Variants in PARD3B observed in about 807,000 individuals in gnomAD.
PARD3B encodes partitioning defective 3 homolog B.
PARD3B carries 103 observed loss-of-function variants against 130.2 expected under a neutral mutation model. That is an observed-to-expected ratio of 0.79 (90% CI 0.67 to 0.93). The LOEUF (loss-of-function observed/expected upper bound fraction) is 0.93. Among genes scored for constraint, PARD3B ranks in the 40% least tolerant of loss-of-function variants. PARD3B has a pLI of 0.00. For missense variants in PARD3B, 1,609 were observed against 1,499.2 expected, an observed-to-expected ratio of 1.07 and a Z score of -1.21; for synonymous variants, 583 against 553.2, an observed-to-expected ratio of 1.05 and a Z score of -0.76.
chr2:205,003,259 T>C lies in PARD3B; in HGVS notation c.394+37936T>C, dbSNP rs559985176. ...CCATTTAGATAATCCAGGACAGTCT[T>C]CCTCTGCTAAGGTCAGCTGCTAAGC... On this transcript the variant is annotated intron_variant, in intron 3 of 22. Coordinates refer to ENST00000406610, the MANE Select transcript of PARD3B (RefSeq NM_001302769.2). Among the ~76,000 whole-genome samples the C allele has an allele frequency of 7.2e-5, 11 of 152,306 alleles. No individual in the cohort carries two copies. The South Asian group carries it at 1.9e-3, about 26-fold the overall frequency.
intron 1 of PARD3B, among the ~76,000 whole-genome samples, chr2:204,580,052 C>T (rs1043978576): frequency 6.6e-6 from 1 of 152,132 alleles, no homozygotes; most frequent in African/African-American, 2.4e-5. Flanking sequence ...CTTCCTTGTT[C>T]GTTCATTCAT....
At chr2:204,880,301 A>G (rs2045990437) in intron 2 of PARD3B, among the ~76,000 whole-genome samples, 1 of 152,212 alleles carries the variant, frequency 6.6e-6, no homozygotes, top group Middle Eastern at 3.2e-3. Flanking sequence ...ACCTACTATT[A>G]TGTGTTATAT....
rs1000711084 is a variant in PARD3B at position 204,941,353 on chromosome 2, G to A, written c.223-23799G>A. ...CCCACCACTGCACTCCAGCCTGGGC[G>A]ACAGAGCGAGACTCTGTCTAAAGAA... On this transcript the variant is annotated intron_variant, in intron 2 of 22. Transcript: ENST00000406610. Among the ~76,000 whole-genome samples the A allele has an allele frequency of 5.4e-4, 82 of 152,256 alleles. 1 individual carries two copies. The highest frequency in any genetic ancestry group is 1.8e-3 in the African/African-American group (73 of 41,560).
At chr2:205,165,128 A>G (rs2034731379) in intron 11 of PARD3B, among the ~76,000 whole-genome samples, 1 of 152,168 alleles carries the variant, frequency 6.6e-6, no homozygotes, top group African/African-American at 2.4e-5. Flanking sequence ...TTCATATATA[A>G]CATATATGCT....
intron 16 of PARD3B, among the ~76,000 whole-genome samples, chr2:205,255,379 A>G (rs1471575559): frequency 1.3e-5 from 2 of 152,122 alleles, no homozygotes; most frequent in African/African-American, 2.4e-5. Flanking sequence ...GAATGCTTCA[A>G]TTCTGGTCAC....
chr2:204,996,473 G>A (rs1475531955), intron 3 of PARD3B, among the ~76,000 whole-genome samples: 5 of 152,166 alleles, frequency 3.3e-5, no homozygotes, highest in Admixed American at 3.3e-4. Flanking sequence ...GAGAACCACT[G>A]CTCTCTTCAA....
intron 21 of PARD3B, among the ~76,000 whole-genome samples, chr2:205,535,027 G>A (rs1242861119): frequency 6.6e-6 from 1 of 152,142 alleles, no homozygotes; most frequent in African/African-American, 2.4e-5. Flanking sequence ...ACAGAGGGGT[G>A]TATACAGAGT....
At position 205,105,342 on chromosome 2, in the gene PARD3B, T is replaced by C. The variant is rs1351115154; in HGVS notation, c.593+828T>C. 6.6e-6 allele frequency among the ~76,000 whole-genome samples: 1 copy of C among 152,202 alleles called. No homozygotes were observed. Among genetic ancestry groups the C allele is most frequent in the Non-Finnish European group, 1.5e-5 (1 of 68,032 alleles). ...TAATATCACATCATCTCTATTATTG[T>C]TCTAATCATCATTTTGTTTAACGCA... On this transcript the variant is annotated intron_variant, in intron 5 of 22. Transcript: ENST00000406610. This position sits in a 1 kb window ranked among gnomAD's most constrained non-coding sequence, Gnocchi z 4.0.
At chr2:205,475,378 A>T (rs2048990405) in intron 20 of PARD3B, among the ~76,000 whole-genome samples, 1 of 152,150 alleles carries the variant, frequency 6.6e-6, no homozygotes, top group Non-Finnish European at 1.5e-5. Flanking sequence ...TGACATTGAA[A>T]GCTCACACCT....
At chr2:205,016,719 T>C (rs762623094) in intron 3 of PARD3B, among the ~76,000 whole-genome samples, 5 of 152,276 alleles carry the variant, frequency 3.3e-5, no homozygotes, top group Non-Finnish European at 7.4e-5. Flanking sequence ...GTCTGACTTC[T>C]GTGTTTACTT....
rs1005172515 is a variant in PARD3B, at chr2:205,568,011, G to A, written c.3260+14608G>A. On this transcript the variant is annotated intron_variant, in intron 22 of 22. Transcript: ENST00000406610. This position sits in a 1 kb window ranked among gnomAD's most constrained non-coding sequence, Gnocchi z 5.3. ...TTTGGTCCCATTTGTCATTGGTTAA[G>A]AGTTGTTCCTAAGATATCAACTCCC... Among the ~76,000 whole-genome samples the A allele has an allele frequency of 6.6e-6, 1 of 152,190 alleles. No homozygotes were observed. Among genetic ancestry groups the A allele is most frequent in the Admixed American group, 6.5e-5 (1 of 15,286 alleles).
intron 11 of PARD3B, 68 bp from the exon 12 acceptor site, chr2:205,172,143 C>T: frequency 2.1e-6 from 3 of 1,443,276 alleles, no homozygotes; most frequent in Non-Finnish European, 2.8e-6. Flanking sequence ...TGAACTTTTC[C>T]CCAAAACGCC....
At chr2:205,215,453 T>A (rs1321497357) in intron 15 of PARD3B, among the ~76,000 whole-genome samples, 1 of 152,060 alleles carries the variant, frequency 6.6e-6, no homozygotes, top group East Asian at 1.9e-4. Context: ...AAGATTAACA[T>A]CCTTAACATA....
At position 205,035,828 on chromosome 2, in the gene PARD3B, T is replaced by TATATATATATAGTGGG. The variant is rs1559374303; in HGVS notation, c.395-11753_395-11752insATATATATATAGTGGG. On this transcript the variant is annotated intron_variant, in intron 3 of 22. Transcript: ENST00000406610. ...ATATATATATATATATATCTATATA[T>TATATATATATAGTGGG]CTATATATATATATATAGTGGGCTA... Among the ~76,000 whole-genome samples the TATATATATATAGTGGG allele has an allele frequency of 5.2e-3, 41 of 7,952 alleles. 4 individuals carry two copies. The highest frequency in any genetic ancestry group is 0.013 in the African/African-American group (33 of 2,474). The allele number at this position is 7,952 out of a possible 152,430, so 5.2% of individuals were successfully genotyped here. A position where few individuals can be genotyped will look rare whatever the true frequency, so the allele number is the denominator to read the frequency against.
intron 2 of PARD3B, among the ~76,000 whole-genome samples, chr2:204,834,170 T>A (rs1272297082): frequency 6.6e-6 from 1 of 152,204 alleles, no homozygotes; most frequent in Non-Finnish European, 1.5e-5. Context: ...TTGTTTTCCT[T>A]TGTGGTATCT....
intron 1 of PARD3B, among the ~76,000 whole-genome samples, chr2:204,613,902 A>G (rs1171541204): frequency 6.6e-6 from 1 of 152,040 alleles, no homozygotes; most frequent in Non-Finnish European, 1.5e-5. Context: ...TTTATGGTAC[A>G]GGATTCCCAC....
intron 1 of PARD3B, among the ~76,000 whole-genome samples, chr2:204,560,829 T>A (rs2031261202): frequency 1.3e-5 from 2 of 151,768 alleles, no homozygotes; most frequent in Non-Finnish European, 2.9e-5. Flanking sequence ...GGACTGGAGG[T>A]GGAGGAACTG....
At chr2:204,721,346 C>A (rs1439036996) in intron 2 of PARD3B, among the ~76,000 whole-genome samples, 1 of 152,036 alleles carries the variant, frequency 6.6e-6, no homozygotes, top group South Asian at 2.1e-4. Context: ...CACATACTCC[C>A]CCCTGTAAGA....
chr2:204,875,399 G>A (rs983941310), intron 2 of PARD3B, among the ~76,000 whole-genome samples: 2 of 152,172 alleles, frequency 1.3e-5, no homozygotes, highest in Admixed American at 6.5e-5. Context: ...CCTTTGTGGA[G>A]CATCTTGTGA....
Sources: allele counts gnomAD v4.1 joint callset (sites outside exome capture counted in the v4.1 genomes callset), GRCh38; gene constraint gnomAD v4.1.1; non-coding constraint Gnocchi (gnomAD v3.1); transcripts MANE v1.5; gene names NCBI Gene and HGNC (gene_info 2026-07-23, HGNC 2026-07-21).